Variants in CAMK2D observed in about 807,000 individuals in gnomAD.
The protein encoded by CAMK2D is calcium/calmodulin dependent protein kinase II delta.
CAMK2D carries 37 observed loss-of-function variants against 84.0 expected under a neutral mutation model. The observed-to-expected ratio is 0.44, with a 90% CI of 0.34 to 0.58. CAMK2D has a LOEUF of 0.58. Among genes scored for constraint, CAMK2D ranks in the 20% least tolerant of loss-of-function variants. The pLI is 0.02. For missense variants in CAMK2D, 448 were observed against 652.5 expected (o/e 0.69, Z 3.41); for synonymous variants, 202 against 212.5 (o/e 0.95, Z 0.43).
chr4:113,706,008 C>T (rs2099452548), intron 2 of CAMK2D, among the ~76,000 whole-genome samples: 2 of 152,004 alleles, frequency 1.3e-5, no homozygotes, highest in Non-Finnish European at 2.9e-5. Context: ...AAGATCAAGG[C>T]TAAAGAGAGA....
At chr4:113,525,783 C>T (rs2098412386) in intron 8 of CAMK2D, among the ~76,000 whole-genome samples, 1 of 152,118 alleles carries the variant, frequency 6.6e-6, no homozygotes, top group South Asian at 2.1e-4. Flanking sequence ...TTTTGCATTT[C>T]TTTTGTTTTC....
chr4:113,473,664 T>G (rs2097572281), intron 16 of CAMK2D, among the ~76,000 whole-genome samples: 1 of 152,182 alleles, frequency 6.6e-6, no homozygotes, highest in African/African-American at 2.4e-5. Flanking sequence ...TCAAACCATC[T>G]TTGAACTTTG....
chr4:113,523,667 G>A (rs563737504), intron 8 of CAMK2D, among the ~76,000 whole-genome samples: 6 of 152,146 alleles, frequency 3.9e-5, no homozygotes, highest in Non-Finnish European at 8.8e-5. Context: ...CACTACAGGG[G>A]AGGCTAAGGC....
At chr4:113,753,710 A>G in intron 2 of CAMK2D, 1 of 727,756 alleles carries the variant, frequency 1.4e-6, no homozygotes, top group Non-Finnish European at 1.7e-6. Context: ...TATGAATAAC[A>G]TAACATTTTG....
chr4:113,521,187 C>T lies in CAMK2D; in HGVS notation c.602-3530G>A, dbSNP rs199962285. 1.8e-4 allele frequency among the ~76,000 whole-genome samples: 26 copies of T among 145,008 alleles called. No individual in the cohort carries two copies. The East Asian group carries it at 4.4e-3, about 25-fold the overall frequency. On this transcript the variant is annotated intron_variant, in intron 8 of 20. Transcript: ENST00000511664. ...CTTTACTAGCCAGTTTTTAAAATAA[C>T]GCATTGGCTCCCCAACATCCCCCAA...
At chr4:113,495,013 C>T (rs924274424) in intron 16 of CAMK2D, among the ~76,000 whole-genome samples, 33 of 152,154 alleles carry the variant, frequency 2.2e-4, no homozygotes, top group African/African-American at 6.0e-4. Context: ...GCACGGTGCG[C>T]GCACCCACTG....
intron 4 of CAMK2D, among the ~76,000 whole-genome samples, chr4:113,555,720 A>G (rs2098659917): frequency 6.6e-6 from 1 of 152,154 alleles, no homozygotes; most frequent in Non-Finnish European, 1.5e-5. Context: ...TTGAACAATA[A>G]CAATAACAAT....
chr4:113,616,158 G>A (rs1443619888), intron 3 of CAMK2D, among the ~76,000 whole-genome samples: 2 of 151,942 alleles, frequency 1.3e-5, no homozygotes, highest in Non-Finnish European at 1.5e-5. Context: ...CAAAGCAATT[G>A]ACTGCTTACA....
chr4:113,741,702 C>T (rs374958536), intron 2 of CAMK2D, among the ~76,000 whole-genome samples: 8 of 152,122 alleles, frequency 5.3e-5, no homozygotes, highest in African/African-American at 1.7e-4. Flanking sequence ...CATCCTTAAA[C>T]GGCTTATCAA....
intron 2 of CAMK2D, among the ~76,000 whole-genome samples, chr4:113,682,137 T>G (rs2099347781): frequency 1.3e-5 from 2 of 152,298 alleles, no homozygotes; most frequent in South Asian, 4.1e-4. Flanking sequence ...AAGAATTAAA[T>G]CAGATTACAT....
At chr4:113,670,985 G>A (rs976434952) in intron 2 of CAMK2D, among the ~76,000 whole-genome samples, 3 of 151,748 alleles carry the variant, frequency 2.0e-5, no homozygotes, top group African/African-American at 4.8e-5. Flanking sequence ...TGGCCCCAAT[G>A]ATTTTTACAG....
At chr4:113,738,544 T>C (rs1475112590) in intron 2 of CAMK2D, among the ~76,000 whole-genome samples, 1 of 152,150 alleles carries the variant, frequency 6.6e-6, no homozygotes, top group Non-Finnish European at 1.5e-5. Context: ...ATTTTTAATG[T>C]GTTATTATCC....
intron 5 of CAMK2D, among the ~76,000 whole-genome samples, chr4:113,549,089 T>C (rs1240951707): frequency 6.6e-6 from 1 of 152,164 alleles, no homozygotes; most frequent in Non-Finnish European, 1.5e-5. Flanking sequence ...TTCAGAGATA[T>C]AAAATTTCCA....
At chr4:113,549,451 C>T (rs1262717954) in intron 5 of CAMK2D, among the ~76,000 whole-genome samples, 2 of 152,176 alleles carry the variant, frequency 1.3e-5, no homozygotes, top group African/African-American at 2.4e-5. Flanking sequence ...CACTTCCATA[C>T]ACTTCAGTGA....
chr4:113,523,519 T>A (rs1325313776), intron 8 of CAMK2D, among the ~76,000 whole-genome samples: 1 of 152,128 alleles, frequency 6.6e-6, no homozygotes, highest in Non-Finnish European at 1.5e-5. Context: ...ACACTTTCAA[T>A]CCCAGCACTT....
intron 18 of CAMK2D, among the ~76,000 whole-genome samples, chr4:113,459,515 G>A (rs1419554623): frequency 1.3e-5 from 2 of 152,062 alleles, no homozygotes; most frequent in African/African-American, 2.4e-5. Context: ...ATGAGCCAGC[G>A]TGCCTGCCTA....
chr4:113,613,061 AG>A, intron 3 of CAMK2D, among the ~76,000 whole-genome samples: 1 of 152,174 alleles, frequency 6.6e-6, no homozygotes, highest in Non-Finnish European at 1.5e-5. Context: ...TAAATATGAT[AG>A]AAGTTTTCTA....
chr4:113,727,720 C>T (rs529861613), intron 2 of CAMK2D, among the ~76,000 whole-genome samples: 157 of 152,078 alleles, frequency 1.0e-3, no homozygotes, highest in African/African-American at 3.7e-3. Flanking sequence ...ACTAGAGAAA[C>T]GAATAGGCAA....
At chr4:113,622,822 T>C (rs1592096366) in intron 3 of CAMK2D, among the ~76,000 whole-genome samples, 1 of 152,174 alleles carries the variant, frequency 6.6e-6, no homozygotes, top group African/African-American at 2.4e-5. Context: ...AGAACACATG[T>C]CCATTGAATG....
Sources: allele counts gnomAD v4.1 joint callset (sites outside exome capture counted in the v4.1 genomes callset), GRCh38; gene constraint gnomAD v4.1.1; transcripts MANE v1.5; gene names NCBI Gene and HGNC (gene_info 2026-07-23, HGNC 2026-07-21).